The following SNRPE variants were observed in gnomAD, a reference collection of about 807,000 sequenced individuals.
SNRPE encodes small nuclear ribonucleoprotein polypeptide E, also known as small nuclear ribonucleoprotein E.
For synonymous variants in SNRPE, 35 were observed against 36.7 expected, an observed-to-expected ratio of 0.95 and a Z score of 0.17; for missense variants, 53 against 111.6, an observed-to-expected ratio of 0.48 and a Z score of 2.36.
intron 2 of SNRPE, 106 bp downstream of exon 2, chr1:203,862,328 A>G: frequency 1.2e-6 from 1 of 809,768 alleles, no homozygotes; most frequent in Non-Finnish European, 2.1e-6. Flanking sequence ...TTAAAAATAG[A>G]TGTAACTGGA....
chr1:203,868,879 A>C (rs559679705), intron 4 of SNRPE, among the ~76,000 whole-genome samples: 2 of 152,118 alleles, frequency 1.3e-5, no homozygotes, highest in Non-Finnish European at 2.9e-5. Context: ...CGTGTTGTCC[A>C]GGCTGGTCTC....
intron 4 of SNRPE, among the ~76,000 whole-genome samples, chr1:203,866,481 C>T (rs931561084): frequency 1.3e-5 from 2 of 152,168 alleles, no homozygotes; most frequent in Non-Finnish European, 1.5e-5. Context: ...ATTTGTTTGT[C>T]TGGGCCTATT....
intron 4 of SNRPE, among the ~76,000 whole-genome samples, chr1:203,869,294 T>C (rs1690163126): frequency 1.2e-4 from 1 of 8,496 alleles, no homozygotes; most frequent in African/African-American, 4.0e-4. Context: ...GGAGTCTTTT[T>C]TTTTTTTTTT....
intron 4 of SNRPE, among the ~76,000 whole-genome samples, chr1:203,867,929 G>A (rs544628226): frequency 1.5e-3 from 231 of 152,134 alleles, no homozygotes; most frequent in Non-Finnish European, 3.0e-3. Context: ...TTTTATTAGT[G>A]TCTCTCCTGT....
chr1:203,870,141 G>C lies in SNRPE; in HGVS notation c.*209G>C. 2.2e-6 allele frequency: 1 copy of C among 451,090 alleles called. No individual in the cohort carries two copies. The allele number at this position is 451,090 out of a possible 1,614,324, so 27.9% of individuals were successfully genotyped here. On this transcript the variant is annotated 3_prime_UTR_variant, in exon 5 of 5. Coordinates refer to ENST00000414487, the MANE Select transcript of SNRPE (RefSeq NM_003094.4). Reference sequence around the variant, plus strand: ...AACTTTTTACACAGTAACACCATTCGTTGCTGGTATTTAGTTTTCTGAAGG... The same window carrying C: ...AACTTTTTACACAGTAACACCATTCCTTGCTGGTATTTAGTTTTCTGAAGG...
chr1:203,865,595 CA>C (rs1690070019), intron 4 of SNRPE, among the ~76,000 whole-genome samples: 1 of 152,032 alleles, frequency 6.6e-6, no homozygotes, highest in Non-Finnish European at 1.5e-5. Flanking sequence ...TCAGAGTCGT[CA>C]AGTTCAGTTC....
intron 3 of SNRPE, among the ~76,000 whole-genome samples, chr1:203,863,989 C>G (rs1332580416): frequency 6.6e-6 from 1 of 152,082 alleles, no homozygotes; most frequent in Non-Finnish European, 1.5e-5. Flanking sequence ...GGGCTTTGTT[C>G]TGTTGCTTAG....
intron 4 of SNRPE, among the ~76,000 whole-genome samples, chr1:203,866,267 G>A (rs1415932941): frequency 1.3e-5 from 2 of 152,214 alleles, no homozygotes; most frequent in South Asian, 2.1e-4. Context: ...ATATTTTGCA[G>A]TATCACACCT....
intron 4 of SNRPE, 97 bp downstream of exon 4, chr1:203,865,216 C>A: frequency 8.7e-7 from 1 of 1,150,144 alleles, no homozygotes; most frequent in Non-Finnish European, 1.3e-6. Flanking sequence ...ATTTATTTTG[C>A]ATTTGAGAAG....
chr1:203,867,851 C>T (rs1690125460), intron 4 of SNRPE, among the ~76,000 whole-genome samples: 3 of 152,014 alleles, frequency 2.0e-5, no homozygotes, highest in South Asian at 4.1e-4. Flanking sequence ...TTTGGTTTTG[C>T]TGGGGATGGG....
At chr1:203,865,292 A>G (rs1437207759) in intron 4 of SNRPE, among the ~76,000 whole-genome samples, 173 bp downstream of exon 4, 1 of 152,166 alleles carries the variant, frequency 6.6e-6, no homozygotes, top group Non-Finnish European at 1.5e-5. Context: ...ACCACACTCC[A>G]TTTTGGCTTC....
intron 4 of SNRPE, among the ~76,000 whole-genome samples, chr1:203,869,670 G>A (rs1690174918): frequency 6.6e-6 from 1 of 152,142 alleles, no homozygotes; most frequent in Admixed American, 6.5e-5. Context: ...GTCATGAAAT[G>A]TCATCTACCT....
At position 203,861,639 on chromosome 1, in the gene SNRPE, T is replaced by G. The variant is rs747659857; in HGVS notation, c.-21T>G. On this transcript the variant is annotated 5_prime_UTR_variant, in exon 1 of 5. Transcript: ENST00000414487. ...TGCTCTCAGAGGCAGCGTGCGGGTG[T>G]GCTCTTTGTGAAATTCCACCATGGC... 4 of 1,606,138 alleles carry G rather than the reference T, an allele frequency of 2.5e-6. No homozygotes were observed. The highest frequency in any genetic ancestry group is 3.4e-6 in the Non-Finnish European group (4 of 1,172,660).
chr1:203,866,951 A>G (rs1240194228), intron 4 of SNRPE, among the ~76,000 whole-genome samples: 2 of 81,484 alleles, frequency 2.5e-5, no homozygotes, highest in African/African-American at 8.7e-5. Flanking sequence ...TGTAGAGCTC[A>G]GATCAAATAT....
intron 4 of SNRPE, 86 bp from the exon 5 acceptor site, chr1:203,869,791 T>C (rs1690176907): frequency 2.0e-5 from 18 of 894,518 alleles, no homozygotes; most frequent in Non-Finnish European, 3.2e-5. Flanking sequence ...TTTCAAAATA[T>C]TGTTCAAAAA....
At chr1:203,868,757 C>T (rs1399853019) in intron 4 of SNRPE, among the ~76,000 whole-genome samples, 1 of 152,168 alleles carries the variant, frequency 6.6e-6, no homozygotes, top group Admixed American at 6.5e-5. Context: ...GCAACCTCCA[C>T]CTCCTGGGTT....
At chr1:203,864,890 A>AAAT in intron 3 of SNRPE, 151 bp from the exon 4 acceptor site, 2 of 652,210 alleles carry the variant, frequency 3.1e-6, no homozygotes, top group African/African-American at 3.8e-5. Context: ...AAAAAAAAAA[A>AAAT]AAAAAAAAAA....
At chr1:203,866,839 C>G (rs1454642967) in intron 4 of SNRPE, among the ~76,000 whole-genome samples, 1 of 151,974 alleles carries the variant, frequency 6.6e-6, no homozygotes, top group Non-Finnish European at 1.5e-5. Context: ...TCTCGTATCA[C>G]TGCCTCACTT....
At position 203,861,737 on chromosome 1, in the gene SNRPE, C is replaced by T. The variant is rs1321300818; in HGVS notation, c.54+24C>T. The T allele has an allele frequency of 3.8e-6, 6 of 1,580,846 alleles. No individual in the cohort carries two copies. In the Admixed American group the frequency reaches 6.7e-5, roughly 18 times the overall value. ...TCGTATCCTACGCAGGATGTCAGGA[C>T]TAGGAGGTTCGGGTCAGAATACGGG... is the stretch of plus-strand genomic sequence containing the variant. On this transcript the variant is annotated intron_variant, in intron 1 of 4. Coordinates refer to ENST00000414487, the MANE Select transcript of SNRPE (RefSeq NM_003094.4).
Sources: allele counts gnomAD v4.1 joint callset (sites outside exome capture counted in the v4.1 genomes callset), GRCh38; gene constraint gnomAD v4.1.1; transcripts MANE v1.5; gene names NCBI Gene and HGNC (gene_info 2026-07-23, HGNC 2026-07-21).